CARHSP1: variants seen among roughly 807,000 people sequenced by gnomAD.
CARHSP1 encodes the protein calcium-regulated heat-stable protein 1.
A neutral mutation model predicts 12.5 loss-of-function variants in CARHSP1; 14 were observed. The observed-to-expected ratio is 1.12, with a 90% CI of 0.74 to 1.75. CARHSP1 has a LOEUF of 1.75. Ranked by LOEUF, CARHSP1 falls within the 40% of genes most tolerant of loss-of-function variation. The probability of loss-of-function intolerance (pLI) is 0.00; values close to 1 mark genes in which losing one functional copy is unlikely to be tolerated. For synonymous variants in CARHSP1, 161 were observed against 82.0 expected (o/e 1.96, Z -5.20); for missense variants, 343 against 201.6 (o/e 1.70, Z -4.25).
chr16:8,855,109 C>T lies in CARHSP1; in HGVS notation c.*55G>A. The T allele has an allele frequency of 7.0e-7, 1 of 1,435,094 alleles. No homozygotes were observed. Among genetic ancestry groups the T allele is most frequent in the Non-Finnish European group, 9.3e-7 (1 of 1,073,480 alleles). 88.9% of individuals were successfully genotyped at this position (1,435,094 alleles called of 1,614,324 possible). ...GAATGTCATCTCCAGTGTCTGCTGC[C>T]TCCTCCCTGCAAAGTCTCCCACAAG... On this transcript the variant is annotated 3_prime_UTR_variant, in exon 4 of 4. Transcript: ENST00000311052.
rs2061052908 is a variant in CARHSP1 at position 8,855,066 on chromosome 16, G to C, written c.*98C>G. On this transcript the variant is annotated 3_prime_UTR_variant, in exon 4 of 4. Coordinates refer to ENST00000311052, the MANE Select transcript of CARHSP1 (RefSeq NM_014316.4). The stretch of plus-strand genomic sequence containing the variant: ...TTGAGAGGGACCATGCCCGGCTGAA[G>C]CCCCGTCTCGTGTGGAAGAATGTCA... The C allele has an allele frequency of 9.4e-7, 1 of 1,068,448 alleles. No homozygotes were observed. 66.2% of individuals were successfully genotyped at this position (1,068,448 alleles called of 1,614,324 possible).
At chr16:8,862,512 C>T (rs951469089) in intron 1 of CARHSP1, among the ~76,000 whole-genome samples, 2 of 152,074 alleles carry the variant, frequency 1.3e-5, no homozygotes, top group Non-Finnish European at 2.9e-5. Context: ...TAAACATAAA[C>T]CAGATCATTA....
chr16:8,860,576 G>A (rs1363954282), intron 1 of CARHSP1: 2 of 944,854 alleles, frequency 2.1e-6, no homozygotes, highest in Non-Finnish European at 2.5e-6. Flanking sequence ...TTCCGAATCT[G>A]CAAAGTGGGG....
intron 1 of CARHSP1, chr16:8,868,326 C>A (rs1040656562): frequency 2.6e-5 from 4 of 152,304 alleles, no homozygotes; most frequent in African/African-American, 9.6e-5. Context: ...GGCCTGCAAA[C>A]CTGAACCGCC....
intron 1 of CARHSP1, chr16:8,860,154 C>A (rs2061305214): frequency 1.0e-6 from 1 of 985,454 alleles, no homozygotes; most frequent in Non-Finnish European, 1.2e-6. Context: ...TCGCAGAGAG[C>A]TCAAGCGCCA....
chr16:8,865,730 T>C (rs903077607), intron 1 of CARHSP1, among the ~76,000 whole-genome samples: 4 of 152,222 alleles, frequency 2.6e-5, no homozygotes, highest in Non-Finnish European at 4.4e-5. Flanking sequence ...GACTTCTGCG[T>C]CAGGCCCTGT....
At position 8,857,263 on chromosome 16, in the gene CARHSP1, G is replaced by GTTTTTTTTTTTT. The variant is rs756390920; in HGVS notation, c.281+1075_281+1086dup. Among the ~76,000 whole-genome samples the GTTTTTTTTTTTT allele has an allele frequency of 6.8e-4, 39 of 57,020 alleles. 4 individuals are homozygous for GTTTTTTTTTTTT. The highest frequency in any genetic ancestry group is 7.1e-4 in the Non-Finnish European group (19 of 26,896). The allele number at this position is 57,020 out of a possible 152,430, so 37.4% of individuals were successfully genotyped here. A position where few individuals can be genotyped will look rare whatever the true frequency, so the allele number is the denominator to read the frequency against. On this transcript the variant is annotated intron_variant, in intron 3 of 3. Transcript: ENST00000311052. Reference sequence around the variant, plus strand: ...TGGCTATGTGATCTTGGGCAGATCTGTTTTTTTTTTTTTTTTTTTTTTTTT... The same window carrying GTTTTTTTTTTTT: ...TGGCTATGTGATCTTGGGCAGATCTGTTTTTTTTTTTTTTTTTTTTTTTTTTTTTTTTTTTTT...
rs536053601 is a variant in CARHSP1 at position 8,853,099 on chromosome 16, C to T, written c.*2065G>A. 5 of 152,240 alleles carry T rather than the reference C, an allele frequency of 3.3e-5. No homozygotes were observed. The highest frequency in any genetic ancestry group is 1.9e-4 in the East Asian group (1 of 5,166). The allele number at this position is 152,240 out of a possible 1,614,324, so 9.4% of individuals were successfully genotyped here. ...TTTCCCCTTGTGTAAACCGGTATCG[C>T]GTCCCTTCCAGCTCTGACATCCTGC... On this transcript the variant is annotated 3_prime_UTR_variant, in exon 4 of 4. Transcript: ENST00000311052.
chr16:8,858,897 A>G (rs1567183662), intron 2 of CARHSP1: 3 of 422,866 alleles, frequency 7.1e-6, no homozygotes, highest in African/African-American at 4.2e-5. Flanking sequence ...AGGGAACCAG[A>G]CTCTCATGTG....
At chr16:8,858,308 C>G in intron 3 of CARHSP1, 42 bp downstream of exon 3, 2 of 1,601,008 alleles carry the variant, frequency 1.2e-6, no homozygotes, top group Non-Finnish European at 1.7e-6. Flanking sequence ...GCCAAGGAAG[C>G]GCCCACCCCA....
chr16:8,865,870 T>A (rs1358028410), intron 1 of CARHSP1, among the ~76,000 whole-genome samples: 1 of 152,226 alleles, frequency 6.6e-6, no homozygotes, highest in African/African-American at 2.4e-5. Context: ...CTTCCTACTT[T>A]AATGCAGTCA....
At chr16:8,863,949 G>A (rs1252508760) in intron 1 of CARHSP1, among the ~76,000 whole-genome samples, 1 of 152,130 alleles carries the variant, frequency 6.6e-6, no homozygotes, top group Non-Finnish European at 1.5e-5. Context: ...GCCTTGGAGT[G>A]TCCCCAGCAG....
intron 1 of CARHSP1, chr16:8,861,914 A>G (rs1365506344): frequency 3.0e-6 from 2 of 672,812 alleles, no homozygotes; most frequent in East Asian, 8.4e-5. Context: ...GCAACTCCAC[A>G]GTTAGAGACA....
intron 3 of CARHSP1, among the ~76,000 whole-genome samples, chr16:8,857,103 T>C (rs1037996691): frequency 2.0e-5 from 3 of 152,176 alleles, no homozygotes; most frequent in Non-Finnish European, 2.9e-5. Flanking sequence ...TGGGGTGTCC[T>C]TGGCCAGATA....
intron 1 of CARHSP1, among the ~76,000 whole-genome samples, chr16:8,866,828 G>A (rs2061463639): frequency 6.6e-6 from 1 of 152,158 alleles, no homozygotes; most frequent in African/African-American, 2.4e-5. Context: ...CAGTCACAGA[G>A]AAGTGCAAAC....
At chr16:8,865,647 G>A (rs1387468361) in intron 1 of CARHSP1, among the ~76,000 whole-genome samples, 1 of 152,226 alleles carries the variant, frequency 6.6e-6, no homozygotes, top group Non-Finnish European at 1.5e-5. Context: ...GGCAGGTGTG[G>A]TGGGTAGTGG....
At chr16:8,857,278 T>TTTTGTTTTTTG (rs1567181208) in intron 3 of CARHSP1, among the ~76,000 whole-genome samples, 31 of 116,746 alleles carry the variant, frequency 2.7e-4, no homozygotes, top group South Asian at 6.5e-4. Context: ...TTTTTTTTTT[T>TTTTGTTTTTTG]TTTTTTTTTT....
At chr16:8,865,955 T>G (rs545285064) in intron 1 of CARHSP1, among the ~76,000 whole-genome samples, 2 of 152,228 alleles carry the variant, frequency 1.3e-5, no homozygotes, top group South Asian at 2.1e-4. Flanking sequence ...ATTCTTCATT[T>G]CTTTTTTATT....
Position 8,855,680 on chromosome 16 carries a change from A to C in CARHSP1, c.282-354T>G, listed in dbSNP as rs1408248724. ...CAGCCAGTCCAAGCCAGAGAGCCAG[A>C]GAGAAACAAGGCCATCATGGAGTGA... On this transcript the variant is annotated intron_variant, in intron 3 of 3. Transcript: ENST00000311052. 2.0e-5 allele frequency among the ~76,000 whole-genome samples: 3 copies of C among 152,142 alleles called. 1 individual carries two copies. Among genetic ancestry groups the C allele is most frequent in the Non-Finnish European group, 1.5e-5 (1 of 68,030 alleles).
Sources: gnomAD v4.1 joint callset for allele counts (sites outside exome capture counted in the v4.1 genomes callset) on GRCh38, gnomAD v4.1.1 for gene constraint, MANE v1.5 for transcripts, NCBI Gene and HGNC (gene_info 2026-07-23, HGNC 2026-07-21) for gene names.